The following RGS3 variants were observed in gnomAD, a reference collection of about 807,000 sequenced individuals.
The protein encoded by RGS3 is regulator of G protein signaling 3.
A neutral mutation model predicts 132.6 loss-of-function variants in RGS3; 80 were observed. The ratio of observed to expected loss-of-function variants is 0.60; its 90% CI spans 0.50 to 0.73. The LOEUF (loss-of-function observed/expected upper bound fraction) is 0.73. RGS3 is among the 30% of genes least tolerant of loss of function. RGS3 has a pLI of 0.00. For synonymous variants in RGS3, 598 were observed against 620.6 expected, an observed-to-expected ratio of 0.96 and a Z score of 0.54; for missense variants, 1,382 against 1,530.8, an observed-to-expected ratio of 0.90 and a Z score of 1.62.
chr9:113,544,730 A>G (rs1482974313), intron 19 of RGS3, among the ~76,000 whole-genome samples: 1 of 152,218 alleles, frequency 6.6e-6, no homozygotes, highest in Non-Finnish European at 1.5e-5. Context: ...CTGAGAAGTT[A>G]AGTGTTTTAT....
chr9:113,490,822 A>C (rs1830489351), intron 7 of RGS3, among the ~76,000 whole-genome samples: 1 of 135,194 alleles, frequency 7.4e-6, no homozygotes, highest in African/African-American at 2.8e-5. Flanking sequence ...TAACAATTAT[A>C]ATTATATCAG....
chr9:113,568,602 C>T (rs1004753145), intron 19 of RGS3, among the ~76,000 whole-genome samples: 1 of 152,226 alleles, frequency 6.6e-6, no homozygotes, highest in Non-Finnish European at 1.5e-5. Flanking sequence ...CCAGCCTGTT[C>T]CCCAGGCGCC....
exon 20 of RGS3, chr9:113,583,876 G>A (rs766439611): frequency 6.2e-7 from 1 of 1,614,034 alleles, no homozygotes; most frequent in South Asian, 1.1e-5. Context: ...TCCTAGCCAG[G>A]TCTCCCTGCC....
intron 19 of RGS3, chr9:113,582,097 T>A: frequency 1.0e-6 from 1 of 985,460 alleles, no homozygotes; most frequent in Non-Finnish European, 1.2e-6. Flanking sequence ...CTGACACGTG[T>A]GTGCAGCAGC....
intron 3 of RGS3, chr9:113,479,163 C>G: frequency 3.0e-6 from 1 of 338,352 alleles, no homozygotes; most frequent in South Asian, 4.4e-5. Context: ...TACTTGTTCT[C>G]CTACACCTTT....
rs1287401992 is a variant in RGS3 at position 113,591,435 on chromosome 9, C to T, written c.3080+38C>T. On this transcript the variant is annotated intron_variant, in intron 21 of 24. Transcript: ENST00000350696. This position sits in a 1 kb window ranked among gnomAD's most constrained non-coding sequence, Gnocchi z 4.4. The stretch of plus-strand genomic sequence containing the variant: ...GATCCCTGGCTTCTGCGCTCCTCTT[C>T]CTCCCTTGCCCCAGGGCTTGTCTCT... 6.3e-7 allele frequency: 1 copy of T among 1,577,150 alleles called. No homozygotes were observed. Among genetic ancestry groups the T allele is most frequent in the Non-Finnish European group, 8.7e-7 (1 of 1,147,142 alleles).
At chr9:113,584,040 G>A (rs1425406971) in exon 20 of RGS3, 6 of 1,614,016 alleles carry the variant, frequency 3.7e-6, no homozygotes, top group Non-Finnish European at 4.2e-6. Context: ...AGGGCTGCTC[G>A]GGAGATGAGG....
intron 19 of RGS3, among the ~76,000 whole-genome samples, chr9:113,561,433 G>A (rs992151650): frequency 6.7e-6 from 1 of 148,956 alleles, no homozygotes; most frequent in Non-Finnish European, 1.5e-5. Flanking sequence ...TCTCTTTCAC[G>A]GGGTCTTGCT....
At chr9:113,445,188 C>CTTTTTTTTTTTTTTTTTTTTTTTTTTT in intron 1 of RGS3, among the ~76,000 whole-genome samples, 1 of 142,984 alleles carries the variant, frequency 7.0e-6, no homozygotes, top group Non-Finnish European at 1.5e-5. Context: ...TTTTCTTTTT[C>CTTTTTTTTTTTTTTTTTTTTTTTTTTT]TTTTTTTTTT....
In RGS3 at chr9:113,541,385, G is replaced by T. The variant is rs560568525; in HGVS notation, c.2037+4467G>T. On this transcript the variant is annotated intron_variant, in intron 19 of 24. Transcript: ENST00000350696. Reference sequence around the variant, plus strand: ...CGGTCAACTCAACCAATGCCACCCAGGATAGAAGCTTTACCTCACCAGGAC... The same window carrying T: ...CGGTCAACTCAACCAATGCCACCCATGATAGAAGCTTTACCTCACCAGGAC... The T allele has an allele frequency of 2.9e-5, 46 of 1,613,812 alleles. No individual in the cohort carries two copies. In the South Asian group the frequency reaches 4.5e-4, roughly 16 times the overall value.
chr9:113,469,901 T>G (rs1000669788), intron 3 of RGS3, among the ~76,000 whole-genome samples: 1 of 128,626 alleles, frequency 7.8e-6, no homozygotes, highest in African/African-American at 2.6e-5. Context: ...CATATAGTTG[T>G]TTTTTTTTTT....
intron 20 of RGS3, among the ~76,000 whole-genome samples, chr9:113,586,288 C>G (rs1835115728): frequency 6.6e-6 from 1 of 152,246 alleles, no homozygotes; most frequent in South Asian, 2.1e-4. Flanking sequence ...GATTCCCCCA[C>G]TACACCCTTC....
chr9:113,508,572 T>A, exon 14 of RGS3: 1 of 1,612,314 alleles, frequency 6.2e-7, no homozygotes, highest in South Asian at 1.1e-5. Context: ...GAGGATACCA[T>A]CCCCGAAGGT....
rs758345392 is a variant in RGS3, at chr9:113,461,896, C to G, written c.234+36C>G. ...TCTCAGGCACATCACCTTCCCTTTT[C>G]CCTGTGGGCCTTCCTTTGCTGTTTC... is the stretch of plus-strand genomic sequence containing the variant. On this transcript the variant is annotated intron_variant, in intron 2 of 24. Transcript: ENST00000350696. 6 of 1,604,214 alleles carry G rather than the reference C, an allele frequency of 3.7e-6. No individual in the cohort carries two copies. The East Asian group carries it at 1.3e-4, about 36-fold the overall frequency.
chr9:113,519,562 C>T (rs74561639), intron 16 of RGS3, among the ~76,000 whole-genome samples: 1 of 149,576 alleles, frequency 6.7e-6, no homozygotes, highest in Non-Finnish European at 1.5e-5. Context: ...TTCATGAAAT[C>T]TCAGCATTGG....
At chr9:113,479,324 G>A (rs991601339) in intron 3 of RGS3, 167 bp from the exon 2 acceptor site, 37 of 702,820 alleles carry the variant, frequency 5.3e-5, no homozygotes, top group Non-Finnish European at 4.3e-5. Flanking sequence ...TGTGGTGGGC[G>A]GGGCTGAACC....
chr9:113,513,869 C>A (rs1831515197), intron 14 of RGS3, among the ~76,000 whole-genome samples: 1 of 152,174 alleles, frequency 6.6e-6, no homozygotes, highest in Admixed American at 6.5e-5. Context: ...CTGGGAAAGC[C>A]TTTGGTCTCC....
At chr9:113,520,542 G>GTTTT (rs768805637) in intron 16 of RGS3, among the ~76,000 whole-genome samples, 1 of 127,428 alleles carries the variant, frequency 7.8e-6, no homozygotes, top group Admixed American at 7.9e-5. Flanking sequence ...GGCCTGGGCT[G>GTTTT]TTTTTTTTTT....
chr9:113,447,557 T>A (rs1048751679), intron 1 of RGS3, among the ~76,000 whole-genome samples: 2 of 151,386 alleles, frequency 1.3e-5, no homozygotes, highest in Non-Finnish European at 2.9e-5. Flanking sequence ...AAATCATTTT[T>A]AAAAAACTCT....
Sources: gnomAD v4.1 joint callset for allele counts (sites outside exome capture counted in the v4.1 genomes callset) on GRCh38, gnomAD v4.1.1 for gene constraint, Gnocchi (gnomAD v3.1) non-coding constraint, MANE v1.5 for transcripts, NCBI Gene and HGNC (gene_info 2026-07-23, HGNC 2026-07-21) for gene names.